The following ZNF66 variants were observed in gnomAD, a reference collection of about 807,000 sequenced individuals.
ZNF66 encodes zinc finger protein 66.
ZNF66 carries 32 observed loss-of-function variants against 35.2 expected under a neutral mutation model. The ratio of observed to expected loss-of-function variants is 0.91; its 90% confidence interval spans 0.69 to 1.22. The LOEUF (loss-of-function observed/expected upper bound fraction) is 1.22, where lower values mean the gene tolerates loss of function less well. Among genes scored for constraint, ZNF66 ranks in the 50% most tolerant of loss-of-function variants. The pLI is 0.00. For missense variants in ZNF66, 666 were observed against 543.1 expected (o/e 1.23, Z -2.25); for synonymous variants, 231 against 181.3 (o/e 1.27, Z -2.20).
At chr19:20,799,133 C>T (rs1971425073) in intron 3 of ZNF66, 1 of 147,164 alleles carries the variant, frequency 6.8e-6, no homozygotes. Flanking sequence ...GCGATCTCAG[C>T]TCACTGCAAG....
At chr19:20,796,900 C>G (rs186634065) in intron 3 of ZNF66, among the ~76,000 whole-genome samples, 1 of 151,992 alleles carries the variant, frequency 6.6e-6, no homozygotes, top group Non-Finnish European at 1.5e-5. Context: ...ACCCAGCCTG[C>G]GGTGCAGTGG....
intron 3 of ZNF66, chr19:20,799,065 C>CTTTTTTTTTTTTTTTT (rs746296804): frequency 1.6e-5 from 2 of 128,154 alleles, no homozygotes; most frequent in Admixed American, 8.0e-5. Flanking sequence ...TTCTTTCTTT[C>CTTTTTTTTTTTTTTTT]TTTTTTTTTT....
At chr19:20,776,976 A>G (rs62125574) in intron 1 of ZNF66, among the ~76,000 whole-genome samples, 18,974 of 151,806 alleles carry the variant, frequency 0.12, 1,252 homozygotes, top group Non-Finnish European at 0.15. Flanking sequence ...TTAGGTGGAT[A>G]TGTTGGCGAA....
intron 1 of ZNF66, among the ~76,000 whole-genome samples, chr19:20,778,295 T>C (rs1971214216): frequency 6.6e-6 from 1 of 151,914 alleles, no homozygotes; most frequent in Non-Finnish European, 1.5e-5. Flanking sequence ...AGAGACAGGG[T>C]TTCACCATGT....
chr19:20,806,235 G>C lies in ZNF66; in HGVS notation c.635G>C (p.Arg212Pro), dbSNP rs544526730. ...ATAGAATGTGGCAAAGCCTTCAACC[G>C]GTCCTCACACCTTACTACACATAAG... ...KCIECGKAFN[R>P]SSHLTTHKII... The change falls in exon 4 of 4, where the codon CGG becomes CCG. Residue 212 changes from arginine (R) to proline (P), a missense_variant. Transcript: ENST00000344519. 3 of 1,420,938 alleles carry C rather than the reference G, an allele frequency of 2.1e-6. No homozygotes were observed. In the South Asian group the frequency reaches 3.5e-5, roughly 16 times the overall value. The allele number at this position is 1,420,938 out of a possible 1,614,324, so 88.0% of individuals were successfully genotyped here.
rs761218272 is a variant in ZNF66 at position 20,806,698 on chromosome 19, G to C, written c.1098G>C (p.Glu366Asp). Residue 366 changes from glutamate to aspartate, a missense_variant, in exon 4 of 4, where the codon GAG (glutamate) becomes GAC (aspartate). By Grantham distance (45) the Glu-to-Asp change is conservative. Coordinates refer to ENST00000344519, the MANE Select transcript of ZNF66 (RefSeq NM_001355197.2). ...LTKHKIIHTG[E>D]KPYKCEECGE... ...AACATAAAATAATCCATACTGGAGA[G>C]AAACCCTACAAATGTGAAGAATGTG... 5.5e-6 allele frequency: 8 copies of C among 1,466,862 alleles called. No individual in the cohort carries two copies. The highest frequency in any genetic ancestry group is 6.7e-6 in the Non-Finnish European group (7 of 1,048,510). The allele number at this position is 1,466,862 out of a possible 1,614,324, so 90.9% of individuals were successfully genotyped here.
intron 1 of ZNF66, among the ~76,000 whole-genome samples, chr19:20,785,393 T>C (rs535094888): frequency 6.6e-6 from 1 of 152,340 alleles, no homozygotes; most frequent in South Asian, 2.1e-4. Flanking sequence ...AGTGAAAGCC[T>C]ACCTTCAGCA....
Position 20,805,824 on chromosome 19 carries a change from C to T in ZNF66, c.227-3C>T, listed in dbSNP as rs528884233. The stretch of plus-strand genomic sequence containing the variant: ...AGTAGTGTGTTTTTATGGTTTCTTT[C>T]AGTTTTGTGTTCTCATTTTAACCAA... On this transcript the variant is annotated splice_polypyrimidine_tract_variant and splice_region_variant and intron_variant, in intron 3 of 3. Coordinates refer to ENST00000344519, the MANE Select transcript of ZNF66 (RefSeq NM_001355197.2). 19 of 557,748 alleles carry T rather than the reference C, an allele frequency of 3.4e-5. No homozygotes were observed. The South Asian group carries it at 5.9e-4, about 17-fold the overall frequency. The allele number at this position is 557,748 out of a possible 1,614,324, so 34.5% of individuals were successfully genotyped here. A position where few individuals can be genotyped will look rare whatever the true frequency, so the allele number is the denominator to read the frequency against.
At position 20,807,176 on chromosome 19, in the gene ZNF66, A is replaced by G; in HGVS notation, c.1576A>G (p.Arg526Gly). ...KDFKYSSTLT[R>G]HKKIHTGGKP... is the part of the protein sequence containing the mutation. ...CTTTAAGTACTCCTCTACCCTTACT[A>G]GACATAAGAAAATTCATACTGGAGG... The change falls in exon 4 of 4, where the codon AGA becomes GGA. Residue 526 changes from arginine (R) to glycine (G), a missense_variant. By Grantham distance (125) the Arg-to-Gly change is moderately radical (BLOSUM62 -2). Coordinates refer to ENST00000344519, the MANE Select transcript of ZNF66 (RefSeq NM_001355197.2). 1 of 601,134 alleles carries G rather than the reference A, an allele frequency of 1.7e-6. No individual in the cohort carries two copies. Among genetic ancestry groups the G allele is most frequent in the Non-Finnish European group, 3.1e-6 (1 of 325,808 alleles). 37.2% of individuals were successfully genotyped at this position (601,134 alleles called of 1,614,324 possible). A position where few individuals can be genotyped will look rare whatever the true frequency, so the allele number is the denominator to read the frequency against.
intron 3 of ZNF66, among the ~76,000 whole-genome samples, chr19:20,801,610 A>G (rs989974976): frequency 2.0e-5 from 3 of 149,942 alleles, no homozygotes; most frequent in East Asian, 3.9e-4. Flanking sequence ...CTCCCAAACT[A>G]TTGGGATTAC....
rs751164755 is a variant in ZNF66, at chr19:20,806,554, T to C, written c.954T>C (p.Cys318=). The part of the protein sequence containing the change: ...TGEKPYKCEE[C]GKAFNWSSHL... The stretch of plus-strand genomic sequence containing the variant: ...AGAAACCCTACAAATGTGAAGAATG[T>C]GGTAAAGCCTTCAACTGGTCCTCAC... Residue 318 remains cysteine, a synonymous_variant, in exon 4 of 4, where the codon TGT becomes TGC. Coordinates refer to ENST00000344519, the MANE Select transcript of ZNF66 (RefSeq NM_001355197.2). The C allele has an allele frequency of 6.4e-7, 1 of 1,556,066 alleles. No homozygotes were observed. The highest frequency in any genetic ancestry group is 8.9e-7 in the Non-Finnish European group (1 of 1,128,400).
At chr19:20,776,727 A>G (rs1024570001) in intron 1 of ZNF66, among the ~76,000 whole-genome samples, 1 of 152,062 alleles carries the variant, frequency 6.6e-6, no homozygotes, top group Non-Finnish European at 1.5e-5. Context: ...GGACCACCGG[A>G]GGGTCTTCAG....
chr19:20,807,955 C>G lies in ZNF66; in HGVS notation c.*633C>G, dbSNP rs1412429331. Among the ~76,000 whole-genome samples, 3 of 150,938 alleles carry G rather than the reference C, an allele frequency of 2.0e-5. No homozygotes were observed. Among genetic ancestry groups the G allele is most frequent in the Non-Finnish European group, 4.5e-5 (3 of 67,234 alleles). On this transcript the variant is annotated 3_prime_UTR_variant, in exon 4 of 4. Coordinates refer to ENST00000344519, the MANE Select transcript of ZNF66 (RefSeq NM_001355197.2). ...GCAAGGAGTCAGGGAGTTCCCTTTC[C>G]TAGTCAAAGAAAGGGGTGACAGATG...
chr19:20,789,517 T>A (rs9783966), intron 1 of ZNF66, among the ~76,000 whole-genome samples: 14,163 of 152,230 alleles, frequency 0.093, 670 homozygotes, highest in Middle Eastern at 0.11. Context: ...ACATTATATT[T>A]AGACACTTGT....
intron 3 of ZNF66, among the ~76,000 whole-genome samples, chr19:20,801,104 G>A (rs1272061774): frequency 6.6e-6 from 1 of 151,944 alleles, no homozygotes; most frequent in African/African-American, 2.4e-5. Flanking sequence ...ATTGTCCCAT[G>A]GTCGTACTTG....
At chr19:20,793,327 C>CTTTT (rs879637768) in intron 2 of ZNF66, among the ~76,000 whole-genome samples, 1,418 of 74,370 alleles carry the variant, frequency 0.019, 131 homozygotes, top group East Asian at 0.057. Flanking sequence ...CTTTTCTTTT[C>CTTTT]TTTTCTTTTT....
chr19:20,778,233 G>A (rs1971213553), intron 1 of ZNF66, among the ~76,000 whole-genome samples: 1 of 152,036 alleles, frequency 6.6e-6, no homozygotes, highest in African/African-American at 2.4e-5. Flanking sequence ...CCAAGTAGCT[G>A]GGATTACAGG....
At chr19:20,801,338 C>T (rs934553158) in intron 3 of ZNF66, among the ~76,000 whole-genome samples, 2 of 150,130 alleles carry the variant, frequency 1.3e-5, no homozygotes, top group Admixed American at 1.3e-4. Flanking sequence ...ATTTATTATT[C>T]ATTTTATTTT....
At position 20,805,126 on chromosome 19, in the gene ZNF66, T is replaced by TGTGTGTGTGAGAGA. The variant is rs752355466; in HGVS notation, c.227-700_227-699insTGTGTGTGAGAGAG. Reference sequence around the variant, plus strand: ...TTACATTTGTGTGTGTGTGTGTGTGTGAGAGAGAGAGAGAGAGAGAGAGAG... The same window carrying TGTGTGTGTGAGAGA: ...TTACATTTGTGTGTGTGTGTGTGTGTGTGTGTGTGAGAGAGAGAGAGAGAGAGAGAGAGAGAGAG... On this transcript the variant is annotated intron_variant, in intron 3 of 3. Coordinates refer to ENST00000344519, the MANE Select transcript of ZNF66 (RefSeq NM_001355197.2). Among the ~76,000 whole-genome samples the TGTGTGTGTGAGAGA allele has an allele frequency of 4.7e-3, 693 of 146,046 alleles. 3 individuals carry two copies. The highest frequency in any genetic ancestry group is 0.016 in the African/African-American group (638 of 39,500).
Sources: allele counts gnomAD v4.1 joint callset (sites outside exome capture counted in the v4.1 genomes callset), GRCh38; gene constraint gnomAD v4.1.1; transcripts MANE v1.5; gene names NCBI Gene and HGNC (gene_info 2026-07-23, HGNC 2026-07-21).